Variants in SIGLEC1 observed in about 807,000 individuals in gnomAD.
SIGLEC1 encodes sialic acid binding Ig like lectin 1.
In SIGLEC1, 132 loss-of-function variants were observed where a neutral mutation model predicts 148.0. That is an observed-to-expected ratio of 0.89 (90% CI 0.77 to 1.03). The LOEUF (loss-of-function observed/expected upper bound fraction) is 1.03, where lower values mean the gene tolerates loss of function less well. Among genes scored for constraint, SIGLEC1 ranks in the 50% least tolerant of loss-of-function variants. SIGLEC1 has a pLI of 0.00. For missense variants in SIGLEC1, 2,253 were observed against 2,271.4 expected, an observed-to-expected ratio of 0.99 and a Z score of 0.16; for synonymous variants, 945 against 969.0, an observed-to-expected ratio of 0.98 and a Z score of 0.46.
chr20:3,698,468 T>TG (rs2087823519), intron 8 of SIGLEC1, among the ~76,000 whole-genome samples: 1 of 152,212 alleles, frequency 6.6e-6, no homozygotes, highest in Non-Finnish European at 1.5e-5. Flanking sequence ...TAGCAATCCC[T>TG]GGGGGTCATG....
At position 3,705,961 on chromosome 20, in the gene SIGLEC1, G is replaced by A; in HGVS notation, c.489C>T (p.Pro163=). The stretch of plus-strand genomic sequence containing the variant: ...TGACCTGCTCCTGCAGGCATACGTA[G>A]GGAGTGGAGCAGTTGAAGTCCACCT... ...GTEVDFNCST[P]YVCLQEQVRL... Residue 163 remains proline (P), a synonymous_variant, in exon 4 of 22, where the codon CCC becomes CCT. Coordinates refer to ENST00000344754, the MANE Select transcript of SIGLEC1 (RefSeq NM_023068.4). 1 of 1,614,088 alleles carries A rather than the reference G, an allele frequency of 6.2e-7. No homozygotes were observed. Among genetic ancestry groups the A allele is most frequent in the Non-Finnish European group, 8.5e-7 (1 of 1,180,020 alleles).
At position 3,703,991 on chromosome 20, in the gene SIGLEC1, A is replaced by T. The variant is rs1056064717; in HGVS notation, c.807T>A (p.Pro269=). 3.7e-6 allele frequency: 6 copies of T among 1,612,848 alleles called. No homozygotes were observed. In the East Asian group the frequency reaches 6.7e-5, roughly 18 times the overall value. ...TGAGCCACTTAATGGAACTGACTGC[A>T]GGGTAGCTGCTGTTCACCTGGCAGG... ...TLTCQVNSSY[P]AVSSIKWLKD... Residue 269 remains proline (P), a synonymous_variant, in exon 5 of 22, where the codon CCT becomes CCA. Coordinates refer to ENST00000344754, the MANE Select transcript of SIGLEC1 (RefSeq NM_023068.4).
chr20:3,692,542 G>A lies in SIGLEC1; in HGVS notation c.4009C>T (p.Pro1337Ser), dbSNP rs1672971037. ...TCACAGAGGACTTGCAGGGCAGCAGGACGGGAGCTGCGGGTGCCCTGGGCA... is the reference window on the plus strand; with the variant it reads ...TCACAGAGGACTTGCAGGGCAGCAGAACGGGAGCTGCGGGTGCCCTGGGCA... ...QDAQGTRSSR[P>S]AALQVLYAPQ... Residue 1337 changes from proline (P) to serine (S), a missense_variant, in exon 16 of 22, where the codon CCT (proline) becomes TCT (serine). By Grantham distance (74) the Pro-to-Ser change is moderately conservative. Transcript: ENST00000344754. 6.2e-7 allele frequency: 1 copy of A among 1,601,230 alleles called. No homozygotes were observed. Among genetic ancestry groups the A allele is most frequent in the Non-Finnish European group, 8.5e-7 (1 of 1,177,500 alleles).
In SIGLEC1 at chr20:3,690,081, G is replaced by T; in HGVS notation, c.4775C>A (p.Ser1592Tyr). The change falls in exon 19 of 22, where the codon TCC becomes TAC. Residue 1592 changes from serine (S) to tyrosine (Y), a missense_variant. Ser to Tyr is a moderately radical substitution (Grantham distance 144). Coordinates refer to ENST00000344754, the MANE Select transcript of SIGLEC1 (RefSeq NM_023068.4). The stretch of plus-strand genomic sequence containing the variant: ...GATGTCCACCCTCAGGGCATTGGGG[G>T]AAGCCAGGACATGGATGTGTGGCTC... The part of the protein sequence containing the change: ...PAEPHIHVLA[S>Y]PNALRVDIEA... 6.2e-7 allele frequency: 1 copy of T among 1,611,764 alleles called. No individual in the cohort carries two copies. Among genetic ancestry groups the T allele is most frequent in the Non-Finnish European group, 8.5e-7 (1 of 1,179,354 alleles).
In SIGLEC1 at chr20:3,691,348, C is replaced by G; in HGVS notation, c.4583G>C (p.Arg1528Pro). Residue 1528 changes from arginine (R) to proline (P), a missense_variant, in exon 18 of 22, where the codon CGT (arginine) becomes CCT (proline). Physicochemically the swap from Arg to Pro is moderately radical, Grantham distance 103. Transcript: ENST00000344754. The stretch of plus-strand genomic sequence containing the variant: ...AGGGGGTTCACACTCACAGAGCACA[C>G]GGAGCATGACTGGAGCAGAGGCAGC... ...GAAASAPVML[R>P]VLYPPKTPTM... 1 of 1,613,484 alleles carries G rather than the reference C, an allele frequency of 6.2e-7. No homozygotes were observed. The highest frequency in any genetic ancestry group is 8.5e-7 in the Non-Finnish European group (1 of 1,180,022).
At position 3,696,867 on chromosome 20, in the gene SIGLEC1, A is replaced by G. The variant is rs764743771; in HGVS notation, c.2402T>C (p.Leu801Pro). The G allele has an allele frequency of 6.4e-7, 1 of 1,560,418 alleles. No individual in the cohort carries two copies. Among genetic ancestry groups the G allele is most frequent in the Admixed American group, 1.9e-5 (1 of 53,672 alleles). Residue 801 changes from leucine (L) to proline (P), a missense_variant, in exon 11 of 22, where the codon CTG becomes CCG. Leu to Pro is a moderately conservative substitution (Grantham distance 98). Transcript: ENST00000344754. ...CTGGCCCATGTCTAGGAGGGCTGACAGCTTTGGACGGTCCGGGGGATCTGC... is the reference window on the plus strand; with the variant it reads ...CTGGCCCATGTCTAGGAGGGCTGACGGCTTTGGACGGTCCGGGGGATCTGC... ...SVLYPPDRPK[L>P]SALLDMGQGH...
intron 8 of SIGLEC1, among the ~76,000 whole-genome samples, chr20:3,698,936 A>G (rs1568843707): frequency 6.6e-6 from 1 of 152,336 alleles, no homozygotes; most frequent in East Asian, 1.9e-4. Flanking sequence ...CAAAGCATGG[A>G]TGTGGTGCCC....
chr20:3,712,417 C>T (rs540478586), intron 1 of SIGLEC1, among the ~76,000 whole-genome samples, 53 bp downstream of exon 1: 22 of 152,082 alleles, frequency 1.4e-4, no homozygotes, highest in Middle Eastern at 3.4e-3. Flanking sequence ...AGCCCAGCCC[C>T]GCTCCTAATG....
rs2088781815 is a variant in SIGLEC1, at chr20:3,693,046, G to A, written c.3594C>T (p.Arg1198=). 6.2e-7 allele frequency: 1 copy of A among 1,609,318 alleles called. No homozygotes were observed. Among genetic ancestry groups the A allele is most frequent in the Non-Finnish European group, 8.5e-7 (1 of 1,179,372 alleles). Reference sequence around the variant, plus strand: ...GGCTGAGGGCCAGCTGGGCGGGCGGGCGGCTGTCCACAGTGCACAGTACCA... The same window carrying A: ...GGCTGAGGGCCAGCTGGGCGGGCGGACGGCTGTCCACAGTGCACAGTACCA... ...LALVLCTVDS[R]PPAQLALSHA... is the part of the protein sequence containing the mutation. The change falls in exon 15 of 22, where the codon CGC becomes CGT. Residue 1198 remains arginine, a synonymous_variant. Coordinates refer to ENST00000344754, the MANE Select transcript of SIGLEC1 (RefSeq NM_023068.4).
intron 3 of SIGLEC1, 94 bp from the exon 4 acceptor site, chr20:3,706,134 G>A: frequency 1.4e-6 from 2 of 1,409,558 alleles, no homozygotes; most frequent in Non-Finnish European, 9.7e-7. Context: ...GCCCTGGGGA[G>A]GGGGCTTTTA....
Position 3,693,718 on chromosome 20 carries a change from A to G in SIGLEC1, c.3257-20T>C, listed in dbSNP as rs773925984. 3.1e-5 allele frequency: 48 copies of G among 1,555,048 alleles called. 1 individual carries two copies. In the South Asian group the frequency reaches 5.7e-4, roughly 19 times the overall value. ...TCACAGCTGGGGAGAGGGAGGGCACAGGACACCAGTGAGGGTCTTGAGGCT... is the reference window on the plus strand; with the variant it reads ...TCACAGCTGGGGAGAGGGAGGGCACGGGACACCAGTGAGGGTCTTGAGGCT... On this transcript the variant is annotated intron_variant, in intron 13 of 21. Transcript: ENST00000344754.
At position 3,692,951 on chromosome 20, in the gene SIGLEC1, C is replaced by T. The variant is rs1195575456; in HGVS notation, c.3689G>A (p.Gly1230Glu). Residue 1230 changes from glycine (G) to glutamate (E), a missense_variant, in exon 15 of 22, where the codon GGG becomes GAG. By Grantham distance (98) the Gly-to-Glu change is moderately conservative. Transcript: ENST00000344754. Reference sequence around the variant, plus strand: ...GAAACCCTCATCCCTGGGCTGTGGCCCTCGCAGCTCCAGGCGCAGGGTGTT... The same window carrying T: ...GAAACCCTCATCCCTGGGCTGTGGCTCTCGCAGCTCCAGGCGCAGGGTGTT... The part of the protein sequence containing the change: ...VPNTLRLELR[G>E]PQPRDEGFYS... The T allele has an allele frequency of 1.2e-6, 2 of 1,612,682 alleles. No homozygotes were observed. Among genetic ancestry groups the T allele is most frequent in the Admixed American group, 1.7e-5 (1 of 60,016 alleles).
At chr20:3,708,148 T>C (rs543367673) in intron 1 of SIGLEC1, among the ~76,000 whole-genome samples, 47 of 151,872 alleles carry the variant, frequency 3.1e-4, no homozygotes, top group Admixed American at 2.0e-4. Flanking sequence ...AGTGGGGAGG[T>C]GGCAAGGCAA....
Position 3,706,366 on chromosome 20 carries a change from G to A in SIGLEC1, c.390C>T (p.Gly130=). The change falls in exon 3 of 22, where the codon GGC becomes GGT. Residue 130 remains glycine (G), a synonymous_variant. Coordinates refer to ENST00000344754, the MANE Select transcript of SIGLEC1 (RefSeq NM_023068.4). ...TATCACCTGTTACTGTGACCAAGGT[G>A]CCTTTCACATCTGACCAGCGGTTGA... The part of the protein sequence containing the change: ...SEVNRWSDVK[G]TLVTVTEEPR... 6.2e-7 allele frequency: 1 copy of A among 1,611,346 alleles called. No homozygotes were observed. Among genetic ancestry groups the A allele is most frequent in the Non-Finnish European group, 8.5e-7 (1 of 1,178,310 alleles).
intron 6 of SIGLEC1, chr20:3,702,952 G>T: frequency 1.8e-6 from 1 of 542,612 alleles, no homozygotes. Flanking sequence ...TAGGTTAAAG[G>T]TATATAATCA....
At chr20:3,695,937 G>A (rs541522547) in intron 11 of SIGLEC1, among the ~76,000 whole-genome samples, 3 of 151,772 alleles carry the variant, frequency 2.0e-5, no homozygotes, top group Admixed American at 6.6e-5. Context: ...TTAGCCTCCC[G>A]AGTAACTGGG....
chr20:3,705,735 A>G lies in SIGLEC1; in HGVS notation c.706+9T>C. ...CTCAGCCACAAGGGTGTGTCCCCAG[A>G]CAACTCACACTTCACTTGGAGGTGA... On this transcript the variant is annotated intron_variant, in intron 4 of 21. Transcript: ENST00000344754. 2 of 1,598,002 alleles carry G rather than the reference A, an allele frequency of 1.3e-6. No homozygotes were observed. Among genetic ancestry groups the G allele is most frequent in the Non-Finnish European group, 1.7e-6 (2 of 1,169,424 alleles).
In SIGLEC1 at chr20:3,699,255, C is replaced by A; in HGVS notation, c.1733G>T (p.Arg578Leu). ...TDAGSYHCRA[R>L]DGHSASGPSS... ...GGGGCCACTGGCACTGTGGCCGTCC[C>A]GGGCCCGGCAGTGGTATGAGCCGGC... Residue 578 changes from arginine (R) to leucine (L), a missense_variant, in exon 8 of 22, where the codon CGG becomes CTG. By Grantham distance (102) the Arg-to-Leu change is moderately radical. Coordinates refer to ENST00000344754, the MANE Select transcript of SIGLEC1 (RefSeq NM_023068.4). The A allele has an allele frequency of 6.2e-7, 1 of 1,610,008 alleles. No individual in the cohort carries two copies. The highest frequency in any genetic ancestry group is 8.5e-7 in the Non-Finnish European group (1 of 1,178,860).
At chr20:3,707,780 T>C in intron 1 of SIGLEC1, among the ~76,000 whole-genome samples, 1 of 152,244 alleles carries the variant, frequency 6.6e-6, no homozygotes, top group East Asian at 1.9e-4. Flanking sequence ...CCCCATTCCC[T>C]GCTCTCCGCA....
Sources: gnomAD v4.1 joint callset for allele counts (sites outside exome capture counted in the v4.1 genomes callset) on GRCh38, gnomAD v4.1.1 for gene constraint, MANE v1.5 for transcripts, NCBI Gene and HGNC (gene_info 2026-07-23, HGNC 2026-07-21) for gene names.